DLG1: variants seen among roughly 807,000 people sequenced by gnomAD.
DLG1 encodes the protein disks large homolog 1.
DLG1 carries 42 observed loss-of-function variants against 123.4 expected under a neutral mutation model. That is an observed-to-expected ratio of 0.34 (90% CI 0.27 to 0.44). The LOEUF (loss-of-function observed/expected upper bound fraction) is 0.44, where lower values mean the gene tolerates loss of function less well. Among genes scored for constraint, DLG1 ranks in the 20% least tolerant of loss-of-function variants. DLG1 has a pLI of 1.00. For synonymous variants in DLG1, 317 were observed against 356.2 expected (o/e 0.89, Z 1.24); for missense variants, 942 against 1,082.6 (o/e 0.87, Z 1.82).
intron 4 of DLG1, among the ~76,000 whole-genome samples, chr3:197,236,835 C>G (rs1218185344): frequency 6.6e-6 from 1 of 152,136 alleles, no homozygotes; most frequent in Non-Finnish European, 1.5e-5. Flanking sequence ...CTGTTTTATT[C>G]AAGAATATTC....
intron 6 of DLG1, among the ~76,000 whole-genome samples, chr3:197,148,245 CAAAA>C (rs1300222676): frequency 2.3e-5 from 1 of 43,290 alleles, no homozygotes; most frequent in Non-Finnish European, 3.7e-5. Flanking sequence ...ACCAAAAATA[CAAAA>C]AAAAAAAAAA....
At chr3:197,123,453 C>T (rs151201470) in intron 11 of DLG1, among the ~76,000 whole-genome samples, 2,478 of 152,176 alleles carry the variant, frequency 0.016, 29 homozygotes, top group Non-Finnish European at 0.025. Context: ...ACAGACATTG[C>T]ATTGAACAAG....
intron 14 of DLG1, among the ~76,000 whole-genome samples, chr3:197,091,522 A>T (rs1382485656): frequency 6.6e-6 from 1 of 152,038 alleles, no homozygotes; most frequent in Non-Finnish European, 1.5e-5. Context: ...AATATGCCTT[A>T]AACAAGTGAT....
At chr3:197,287,472 G>A (rs1772437782) in intron 3 of DLG1, among the ~76,000 whole-genome samples, 1 of 152,122 alleles carries the variant, frequency 6.6e-6, no homozygotes. Context: ...GCAGAAAGCA[G>A]TATATTGATA....
At chr3:197,126,689 T>C (rs1779306669) in intron 11 of DLG1, among the ~76,000 whole-genome samples, 2 of 152,202 alleles carry the variant, frequency 1.3e-5, no homozygotes, top group Non-Finnish European at 2.9e-5. Flanking sequence ...GCAAGGTTCT[T>C]TTCTTTGACA....
At chr3:197,155,908 C>T (rs2149820074) in intron 5 of DLG1, among the ~76,000 whole-genome samples, 1 of 152,222 alleles carries the variant, frequency 6.6e-6, no homozygotes, top group Admixed American at 6.5e-5. Flanking sequence ...GTGATGGCAC[C>T]ACTGCACTCC....
At chr3:197,271,598 G>A (rs1763931503) in intron 4 of DLG1, among the ~76,000 whole-genome samples, 1 of 152,056 alleles carries the variant, frequency 6.6e-6, no homozygotes, top group Admixed American at 6.5e-5. Context: ...ACAATCAAAT[G>A]CATAAATGGT....
chr3:197,198,047 T>G (rs1055431089), intron 4 of DLG1, among the ~76,000 whole-genome samples: 17 of 152,138 alleles, frequency 1.1e-4, no homozygotes, highest in African/African-American at 4.1e-4. Context: ...TTTGTGACCT[T>G]AGGATTAGGA....
chr3:197,106,031 C>T (rs1766139859), intron 13 of DLG1, among the ~76,000 whole-genome samples: 1 of 152,158 alleles, frequency 6.6e-6, no homozygotes, highest in Non-Finnish European at 1.5e-5. Flanking sequence ...CATAAATTTA[C>T]ATAAAGAACA....
At chr3:197,183,535 A>G in intron 5 of DLG1, 1 of 1,518,746 alleles carries the variant, frequency 6.6e-7, no homozygotes, top group Non-Finnish European at 8.9e-7. Context: ...AAACGTAAAC[A>G]GAAATAGATT....
intron 10 of DLG1, among the ~76,000 whole-genome samples, chr3:197,135,657 C>T (rs1197575929): frequency 6.6e-6 from 1 of 152,024 alleles, no homozygotes; most frequent in Non-Finnish European, 1.5e-5. Context: ...AATGAATGAA[C>T]TTTAGCTCTA....
chr3:197,176,855 T>A (rs185412642), intron 5 of DLG1, among the ~76,000 whole-genome samples: 1 of 152,300 alleles, frequency 6.6e-6, no homozygotes, highest in Admixed American at 6.5e-5. Flanking sequence ...GTCAATTTTG[T>A]AATTTAAAAA....
At chr3:197,058,868 C>T (rs566934753) in intron 23 of DLG1, among the ~76,000 whole-genome samples, 2 of 152,326 alleles carry the variant, frequency 1.3e-5, no homozygotes, top group South Asian at 4.1e-4. Context: ...CTATGAAGTG[C>T]AAACAAATGT....
At chr3:197,078,865 T>G (rs1458056444) in intron 17 of DLG1, among the ~76,000 whole-genome samples, 1 of 152,150 alleles carries the variant, frequency 6.6e-6, no homozygotes, top group Non-Finnish European at 1.5e-5. Context: ...GTGGTCAGAG[T>G]CAGTTTCACA....
chr3:197,151,379 G>A (rs1010673268), intron 5 of DLG1, among the ~76,000 whole-genome samples: 1 of 152,084 alleles, frequency 6.6e-6, no homozygotes, highest in African/African-American at 2.4e-5. Flanking sequence ...TATGTTAGCT[G>A]TTTATCAGTA....
rs577786990 is a variant in DLG1, at chr3:197,091,018, G to A, written c.1555C>T (p.Arg519Cys). ...VAQYRPEEYS[R>C]FEAKIHDLRE... ...AAATCATGTATTTTAGCTTCAAAAC[G>A]ACTGTATTCTGATGGAAGAAAAAGA... The change falls in exon 15 of 25, where the codon CGT becomes TGT. Residue 519 changes from arginine to cysteine, a missense_variant. Arg to Cys is a radical substitution (Grantham distance 180). Coordinates refer to ENST00000667157, the MANE Select transcript of DLG1 (RefSeq NM_001366207.1). 1.3e-4 allele frequency: 204 copies of A among 1,596,374 alleles called. 3 individuals are homozygous for A. In the South Asian group the frequency reaches 1.9e-3, roughly 15 times the overall value.
At chr3:197,144,375 C>A (rs1789597758) in intron 6 of DLG1, among the ~76,000 whole-genome samples, 1 of 152,164 alleles carries the variant, frequency 6.6e-6, no homozygotes, top group Admixed American at 6.5e-5. Context: ...AAAGCCCCAG[C>A]TACACTCCTA....
At chr3:197,190,900 C>T (rs1719050283) in intron 5 of DLG1, among the ~76,000 whole-genome samples, 1 of 152,062 alleles carries the variant, frequency 6.6e-6, no homozygotes, top group African/African-American at 2.4e-5. Context: ...GTCCCAGCTA[C>T]TCGGGAGGCT....
intron 11 of DLG1, among the ~76,000 whole-genome samples, chr3:197,128,435 T>C (rs1215000404): frequency 6.6e-6 from 1 of 152,218 alleles, no homozygotes; most frequent in African/African-American, 2.4e-5. Flanking sequence ...TCTACCAATT[T>C]GCAGTAACTT....
Sources: gnomAD v4.1 joint callset for allele counts (sites outside exome capture counted in the v4.1 genomes callset) on GRCh38, gnomAD v4.1.1 for gene constraint, MANE v1.5 for transcripts, NCBI Gene and HGNC (gene_info 2026-07-23, HGNC 2026-07-21) for gene names.